The following ANGEL1 variants were observed in gnomAD, a reference collection of about 807,000 sequenced individuals.
The protein encoded by ANGEL1 is RNA 2',3'-cyclic phosphatase ANGEL1.
Under a neutral mutation model 76.4 loss-of-function variants are expected in ANGEL1, and 62 were observed. That is an observed-to-expected ratio of 0.81 (90% CI 0.66 to 1.00). The LOEUF (loss-of-function observed/expected upper bound fraction) is 1.00. ANGEL1 is among the 50% of genes least tolerant of loss of function. The probability of loss-of-function intolerance (pLI) is 0.00; values close to 1 mark genes in which losing one functional copy is unlikely to be tolerated. For missense variants in ANGEL1, 737 were observed against 836.7 expected (o/e 0.88, Z 1.47); for synonymous variants, 340 against 331.7 (o/e 1.03, Z -0.27).
intron 9 of ANGEL1, among the ~76,000 whole-genome samples, chr14:76,790,057 G>A (rs1894357351): frequency 6.6e-6 from 1 of 152,008 alleles, no homozygotes. Flanking sequence ...TAGAGACGGG[G>A]TTTCATCATG....
At position 76,786,674 on chromosome 14, in the gene ANGEL1, G is replaced by A. The variant is rs2140202575; in HGVS notation, c.*2554C>T. On this transcript the variant is annotated 3_prime_UTR_variant, in exon 10 of 10. Transcript: ENST00000251089. ...GGCTTGGCTGGTCTTACTACATAGG[G>A]AGGTTGGAAGACAAAAGCACCAACA... 1 of 152,282 alleles carries A rather than the reference G, an allele frequency of 6.6e-6. No homozygotes were observed. Among genetic ancestry groups the A allele is most frequent in the East Asian group, 1.9e-4 (1 of 5,184 alleles). 9.4% of individuals were successfully genotyped at this position (152,282 alleles called of 1,614,324 possible). A position where few individuals can be genotyped will look rare whatever the true frequency, so the allele number is the denominator to read the frequency against.
chr14:76,809,559 C>G lies in ANGEL1; in HGVS notation c.149G>C (p.Arg50Pro), dbSNP rs370006700. The change falls in exon 2 of 10, where the codon CGG (arginine) becomes CCG (proline). Residue 50 changes from arginine to proline, a missense_variant. Physicochemically the swap from Arg to Pro is moderately radical, Grantham distance 103. This residue lies in a region of ANGEL1 where 441 missense variants were observed against 449.5 expected (regional missense o/e 0.98). Transcript: ENST00000251089. ...CTCACATTCCTCCTGCTCAGGGCCC[C>G]GAGGGGCCATGGCAAAGTCGCCCTC... ...QVEGDFAMAP[R>P]GPEQEECEGL... 3 of 1,614,194 alleles carry G rather than the reference C, an allele frequency of 1.9e-6. No homozygotes were observed. The Admixed American group carries it at 5.0e-5, about 27-fold the overall frequency.
At position 76,809,473 on chromosome 14, in the gene ANGEL1, C is replaced by A. The variant is rs761578566; in HGVS notation, c.235G>T (p.Gly79Trp). The A allele has an allele frequency of 5.6e-6, 9 of 1,614,068 alleles. No individual in the cohort carries two copies. The East Asian group carries it at 2.0e-4, about 36-fold the overall frequency. The change falls in exon 2 of 10, where the codon GGG (glycine) becomes TGG (tryptophan). Residue 79 changes from glycine (G) to tryptophan (W), a missense_variant. By Grantham distance (184) the Gly-to-Trp change is radical. Around this residue, in one of 2 missense-constraint regions of ANGEL1, gnomAD observed 441 missense variants for 449.5 expected, o/e 0.98. Transcript: ENST00000251089. The stretch of plus-strand genomic sequence containing the variant: ...GCTAGTCCTTTATCTATAAGGGGCC[C>A]CTCACTTGCAGTTGAGAGCACCTGG... ...LSQVLSTASE[G>W]PLIDKGLAQS... is the part of the protein sequence containing the mutation.
At chr14:76,789,540 G>A in intron 9 of ANGEL1, 152 bp from the exon 10 acceptor site, 2 of 805,112 alleles carry the variant, frequency 2.5e-6, no homozygotes, top group South Asian at 3.6e-5. Context: ...TCTGGCTGAG[G>A]AGGCCCCATT....
chr14:76,790,302 G>C (rs915923609), intron 9 of ANGEL1, among the ~76,000 whole-genome samples: 1 of 152,182 alleles, frequency 6.6e-6, no homozygotes, highest in Admixed American at 6.5e-5. Context: ...ACCTAACCAA[G>C]TCCCTCATTC....
rs1894320964 is a variant in ANGEL1, at chr14:76,789,065, C to G, written c.*163G>C. The G allele has an allele frequency of 1.0e-6, 1 of 965,308 alleles. No homozygotes were observed. The highest frequency in any genetic ancestry group is 1.6e-5 in the African/African-American group (1 of 61,112). The allele number at this position is 965,308 out of a possible 1,614,324, so 59.8% of individuals were successfully genotyped here. A position where few individuals can be genotyped will look rare whatever the true frequency, so the allele number is the denominator to read the frequency against. ...AAGGACCACAGGCAGAGAACGCAGC[C>G]AGGCCTGGAGAAAGTCTAACCGTGG... On this transcript the variant is annotated 3_prime_UTR_variant, in exon 10 of 10. Transcript: ENST00000251089.
chr14:76,803,823 G>A lies in ANGEL1; in HGVS notation c.1470C>T (p.Cys490=). Reference sequence around the variant, plus strand: ...GGTGACAGGAGGTGACATACTGACAGCAATCAGTGATGCCCAGGGAGCTGG... The same window carrying A: ...GGTGACAGGAGGTGACATACTGACAACAATCAGTGATGCCCAGGGAGCTGG... ...LWPSSLGITD[C]CQYVTSCHPK... The change falls in exon 6 of 10, where the codon TGC becomes TGT. Residue 490 remains cysteine, a synonymous_variant. Coordinates refer to ENST00000251089, the MANE Select transcript of ANGEL1 (RefSeq NM_015305.4). 6.2e-7 allele frequency: 1 copy of A among 1,614,108 alleles called. No individual in the cohort carries two copies. The highest frequency in any genetic ancestry group is 8.5e-7 in the Non-Finnish European group (1 of 1,179,992).
chr14:76,811,206 T>A (rs577389780), intron 1 of ANGEL1, among the ~76,000 whole-genome samples: 1 of 152,284 alleles, frequency 6.6e-6, no homozygotes, highest in African/African-American at 2.4e-5. Context: ...CCACACCAAA[T>A]GATCCGGTCC....
rs1895001201 is a variant in ANGEL1 at position 76,808,909 on chromosome 14, G to A, written c.649+150C>T. The A allele has an allele frequency of 1.1e-5, 8 of 723,716 alleles. No homozygotes were observed. The South Asian group carries it at 1.6e-4, about 15-fold the overall frequency. 44.8% of individuals were successfully genotyped at this position (723,716 alleles called of 1,614,324 possible). On this transcript the variant is annotated intron_variant, in intron 2 of 9. Transcript: ENST00000251089. ...TGGGGCTGGATGAGATGATCTGTAA[G>A]GACCCTCTAGATCTGACATGCCAAG...
At chr14:76,799,276 T>TC (rs1894680258) in intron 7 of ANGEL1, among the ~76,000 whole-genome samples, 1 of 115,038 alleles carries the variant, frequency 8.7e-6, no homozygotes, top group Non-Finnish European at 1.7e-5. Flanking sequence ...ATTCATGGCC[T>TC]CCTTTTTTTT....
intron 7 of ANGEL1, among the ~76,000 whole-genome samples, chr14:76,800,233 T>C (rs1334602147): frequency 1.3e-5 from 2 of 152,238 alleles, no homozygotes; most frequent in Non-Finnish European, 2.9e-5. Context: ...TGAAATTATC[T>C]AAGTGAGATC....
In ANGEL1 at chr14:76,788,454, C is replaced by G. The variant is rs533255331; in HGVS notation, c.*774G>C. On this transcript the variant is annotated 3_prime_UTR_variant, in exon 10 of 10. Coordinates refer to ENST00000251089, the MANE Select transcript of ANGEL1 (RefSeq NM_015305.4). ...AAGGGATGGCCCTTGTGAAATTACA[C>G]CAGGTCTGTGGGGAGCTCTGGGTTG... The G allele has an allele frequency of 6.6e-6, 1 of 152,478 alleles. No individual in the cohort carries two copies. The highest frequency in any genetic ancestry group is 1.9e-4 in the East Asian group (1 of 5,186). The allele number at this position is 152,478 out of a possible 1,614,324, so 9.4% of individuals were successfully genotyped here. A position where few individuals can be genotyped will look rare whatever the true frequency, so the allele number is the denominator to read the frequency against.
Position 76,803,921 on chromosome 14 carries a change from A to G in ANGEL1, c.1381-9T>C. ...TCTTCCTGTCCAGATACCTGGGTGG[A>G]AAAAGAAGGGTGGGAATAAGGAAAC... On this transcript the variant is annotated splice_polypyrimidine_tract_variant and intron_variant, in intron 5 of 9. Transcript: ENST00000251089. 3.1e-6 allele frequency: 5 copies of G among 1,614,190 alleles called. No homozygotes were observed. The highest frequency in any genetic ancestry group is 4.2e-6 in the Non-Finnish European group (5 of 1,180,032).
At chr14:76,794,563 C>T (rs578054687) in intron 7 of ANGEL1, among the ~76,000 whole-genome samples, 22 of 151,108 alleles carry the variant, frequency 1.5e-4, no homozygotes, top group African/African-American at 4.6e-4. Flanking sequence ...CCCAGCTACT[C>T]GGGAGGCTGA....
intron 5 of ANGEL1, chr14:76,804,231 A>G (rs551787598): frequency 2.3e-5 from 32 of 1,391,826 alleles, no homozygotes; most frequent in Admixed American, 6.5e-5. Flanking sequence ...TCCACAGGGA[A>G]TATCAACTCT....
rs1018657782 is a variant in ANGEL1, at chr14:76,787,622, C to G, written c.*1606G>C. On this transcript the variant is annotated 3_prime_UTR_variant, in exon 10 of 10. Coordinates refer to ENST00000251089, the MANE Select transcript of ANGEL1 (RefSeq NM_015305.4). ...CCTAGAACCTAGGCATGGAAAGCTT[C>G]TAACCATGAATGCAGCAGCACAATG... is the stretch of plus-strand genomic sequence containing the variant. 3.9e-5 allele frequency: 6 copies of G among 152,642 alleles called. No homozygotes were observed. The highest frequency in any genetic ancestry group is 1.4e-4 in the African/African-American group (6 of 41,466). 9.5% of individuals were successfully genotyped at this position (152,642 alleles called of 1,614,324 possible).
chr14:76,790,746 G>A lies in ANGEL1; in HGVS notation c.1717C>T (p.His573Tyr). 6.2e-7 allele frequency: 1 copy of A among 1,614,018 alleles called. No individual in the cohort carries two copies. ...AAGTGGGTATATACTGACGTCAGGT[G>A]GAGGCAGTGCTGGATGGTACCTACA... The part of the protein sequence containing the change: ...RTVGTIQHCL[H>Y]LTSVYTHFLP... Residue 573 changes from histidine (H) to tyrosine (Y), a missense_variant, in exon 9 of 10, where the codon CAC (histidine) becomes TAC (tyrosine). Physicochemically the swap from His to Tyr is moderately conservative, Grantham distance 83. Around this residue, in one of 2 missense-constraint regions of ANGEL1, gnomAD observed 296 missense variants for 387.2 expected, o/e 0.76. Transcript: ENST00000251089.
Position 76,809,648 on chromosome 14 carries a change from G to C in ANGEL1, c.65-5C>G. ...TTCGACATGTGAAGAAAGCATCTAG[G>C]AGGAAAGCCAAAATACCAGGTTATA... On this transcript the variant is annotated splice_polypyrimidine_tract_variant and splice_region_variant and intron_variant, in intron 1 of 9. Coordinates refer to ENST00000251089, the MANE Select transcript of ANGEL1 (RefSeq NM_015305.4). 1 of 1,609,038 alleles carries C rather than the reference G, an allele frequency of 6.2e-7. No homozygotes were observed. Among genetic ancestry groups the C allele is most frequent in the East Asian group, 2.2e-5 (1 of 44,796 alleles).
intron 7 of ANGEL1, among the ~76,000 whole-genome samples, chr14:76,793,974 AAAG>A (rs1203932092): frequency 4.6e-5 from 7 of 152,206 alleles, no homozygotes; most frequent in African/African-American, 1.7e-4. Flanking sequence ...AACTGAAACC[AAAG>A]AAGGCAAAAT....
Sources: gnomAD v4.1 joint callset for allele counts (sites outside exome capture counted in the v4.1 genomes callset) on GRCh38, gnomAD v4.1.1 for gene constraint, gnomAD v4.1.1 regional missense constraint, MANE v1.5 for transcripts, NCBI Gene and HGNC (gene_info 2026-07-23, HGNC 2026-07-21) for gene names.